ARHGAP12: variants seen among roughly 807,000 people sequenced by gnomAD.
ARHGAP12 encodes the protein Rho GTPase activating protein 12.
A neutral mutation model predicts 108.6 loss-of-function variants in ARHGAP12; 64 were observed. The observed-to-expected ratio is 0.59, with a 90% CI of 0.48 to 0.73. The LOEUF (loss-of-function observed/expected upper bound fraction) is 0.73. Ranked by LOEUF, ARHGAP12 falls within the 30% of genes least tolerant of loss-of-function variation. The probability of loss-of-function intolerance (pLI) is 0.00; values close to 1 mark genes in which losing one functional copy is unlikely to be tolerated. For synonymous variants in ARHGAP12, 312 were observed against 337.2 expected, an observed-to-expected ratio of 0.93 and a Z score of 0.82; for missense variants, 940 against 1,005.9, an observed-to-expected ratio of 0.93 and a Z score of 0.89.
Position 31,862,507 on chromosome 10 carries a change from G to T in ARHGAP12, c.685-849C>A, listed in dbSNP as rs74940468. Among the ~76,000 whole-genome samples the T allele has an allele frequency of 2.0e-5, 3 of 152,026 alleles. No individual in the cohort carries two copies. The South Asian group carries it at 6.2e-4, about 31-fold the overall frequency. On this transcript the variant is annotated intron_variant, in intron 3 of 19. Transcript: ENST00000344936. ...CAGTTGCTGAAGAAAAAAAACACAC[G>T]TCTGAGAACACCTGCTTATGTTATG...
At chr10:31,857,552 G>C (rs1477598515) in intron 4 of ARHGAP12, among the ~76,000 whole-genome samples, 1 of 152,112 alleles carries the variant, frequency 6.6e-6, no homozygotes, top group Non-Finnish European at 1.5e-5. Context: ...TTCCAGAATT[G>C]ATCAAAGACA....
chr10:31,920,088 A>G (rs1839728192), intron 1 of ARHGAP12, among the ~76,000 whole-genome samples: 1 of 151,416 alleles, frequency 6.6e-6, no homozygotes, highest in South Asian at 2.1e-4. Flanking sequence ...CCTGGGTGAC[A>G]GAGCAAGACT....
intron 3 of ARHGAP12, among the ~76,000 whole-genome samples, chr10:31,906,681 G>C (rs1839145550): frequency 6.6e-6 from 1 of 152,168 alleles, no homozygotes; most frequent in Non-Finnish European, 1.5e-5. Context: ...AAATCTAATA[G>C]GATTTCCAAA....
rs377096808 is a variant in ARHGAP12, at chr10:31,889,702, C to A, written c.684+18470G>T. On this transcript the variant is annotated intron_variant, in intron 3 of 19. Coordinates refer to ENST00000344936, the MANE Select transcript of ARHGAP12 (RefSeq NM_018287.7). ...AGTGCAGTGGCATGATCTCAACTCA[C>A]TGCAACCTTTGCCTCCTGGGTTCAA... is the stretch of plus-strand genomic sequence containing the variant. Among the ~76,000 whole-genome samples the A allele has an allele frequency of 9.9e-4, 135 of 135,898 alleles. 2 individuals carry two copies. Among genetic ancestry groups the A allele is most frequent in the Middle Eastern group, 8.4e-3 (2 of 238 alleles). 89.2% of individuals were successfully genotyped at this position (135,898 alleles called of 152,430 possible).
chr10:31,924,361 T>A (rs182774431), intron 1 of ARHGAP12, among the ~76,000 whole-genome samples: 1 of 152,164 alleles, frequency 6.6e-6, no homozygotes, highest in Non-Finnish European at 1.5e-5. Flanking sequence ...CCTCAAAAGA[T>A]CCTTGTAAGA....
intron 3 of ARHGAP12, among the ~76,000 whole-genome samples, chr10:31,894,627 T>C (rs1398150676): frequency 6.6e-6 from 1 of 152,256 alleles, no homozygotes; most frequent in East Asian, 1.9e-4. Context: ...GAACATTCCA[T>C]GCTCATGGAT....
At chr10:31,831,623 A>G in intron 10 of ARHGAP12, 116 bp downstream of exon 10, 1 of 625,088 alleles carries the variant, frequency 1.6e-6, no homozygotes, top group South Asian at 3.5e-5. Context: ...ATTACATAGA[A>G]AACAAATGGT....
At chr10:31,817,463 T>G (rs1198007796) in intron 13 of ARHGAP12, among the ~76,000 whole-genome samples, 1 of 152,206 alleles carries the variant, frequency 6.6e-6, no homozygotes, top group Non-Finnish European at 1.5e-5. Flanking sequence ...CCAAATAGTA[T>G]TATTTCCAAC....
chr10:31,867,450 A>G (rs1481982509), intron 3 of ARHGAP12, among the ~76,000 whole-genome samples: 1 of 152,222 alleles, frequency 6.6e-6, no homozygotes, highest in East Asian at 1.9e-4. Flanking sequence ...TTGGCATAAA[A>G]AATACTTAGC....
At chr10:31,818,577 C>T (rs1835294237) in intron 12 of ARHGAP12, among the ~76,000 whole-genome samples, 2 of 152,090 alleles carry the variant, frequency 1.3e-5, no homozygotes, top group Admixed American at 6.6e-5. Flanking sequence ...TCCCATTTTC[C>T]GATTAAAAAC....
intron 3 of ARHGAP12, among the ~76,000 whole-genome samples, chr10:31,892,976 T>C (rs1838518419): frequency 6.6e-6 from 1 of 152,134 alleles, no homozygotes; most frequent in African/African-American, 2.4e-5. Context: ...ACATGGAAAC[T>C]GAACAACCTG....
At chr10:31,897,136 T>C (rs995313705) in intron 3 of ARHGAP12, among the ~76,000 whole-genome samples, 2 of 152,018 alleles carry the variant, frequency 1.3e-5, no homozygotes, top group Admixed American at 1.3e-4. Context: ...AAGAAGATAC[T>C]CCCATAGCTC....
intron 3 of ARHGAP12, 23 bp downstream of exon 3, chr10:31,908,149 C>G: frequency 6.5e-7 from 1 of 1,535,800 alleles, no homozygotes; most frequent in East Asian, 2.3e-5. Context: ...TACAGTGTTT[C>G]CTCATTCTAT....
chr10:31,920,521 C>A (rs1231317240), intron 1 of ARHGAP12, among the ~76,000 whole-genome samples: 2 of 149,838 alleles, frequency 1.3e-5, no homozygotes, highest in Non-Finnish European at 3.0e-5. Flanking sequence ...GAACTATTAC[C>A]AATCCCTCAG....
chr10:31,923,167 A>G (rs1211780349), intron 1 of ARHGAP12, among the ~76,000 whole-genome samples: 3 of 151,744 alleles, frequency 2.0e-5, no homozygotes, highest in Middle Eastern at 3.4e-3. Context: ...CAAAATATTT[A>G]AACAGACTTG....
intron 2 of ARHGAP12, among the ~76,000 whole-genome samples, 180 bp from the exon 3 acceptor site, chr10:31,909,106 T>C (rs1429311362): frequency 6.6e-6 from 1 of 152,196 alleles, no homozygotes; most frequent in Non-Finnish European, 1.5e-5. Context: ...AACACTTTCA[T>C]TCTAATTGTA....
chr10:31,841,651 AG>A (rs1330408016), intron 7 of ARHGAP12, among the ~76,000 whole-genome samples: 1 of 152,184 alleles, frequency 6.6e-6, no homozygotes, highest in African/African-American at 2.4e-5. Context: ...CATTTAAGGT[AG>A]GCTAGGCTAA....
intron 1 of ARHGAP12, among the ~76,000 whole-genome samples, chr10:31,916,863 C>T (rs1269287343): frequency 6.6e-6 from 1 of 152,016 alleles, no homozygotes; most frequent in East Asian, 1.9e-4. Flanking sequence ...GATCCGCCCG[C>T]CTTGGCCTCC....
chr10:31,899,627 G>A (rs572017902), intron 3 of ARHGAP12, among the ~76,000 whole-genome samples: 2 of 152,272 alleles, frequency 1.3e-5, no homozygotes, highest in Non-Finnish European at 2.9e-5. Context: ...CATGGAGAAA[G>A]AAAAGTCTTT....
Sources: allele counts gnomAD v4.1 joint callset (sites outside exome capture counted in the v4.1 genomes callset), GRCh38; gene constraint gnomAD v4.1.1; transcripts MANE v1.5; gene names NCBI Gene and HGNC (gene_info 2026-07-23, HGNC 2026-07-21).